The following PPP1R9A variants were observed in gnomAD, a reference collection of about 807,000 sequenced individuals.
The protein encoded by PPP1R9A is protein phosphatase 1 regulatory subunit 9A.
A neutral mutation model predicts 141.9 loss-of-function variants in PPP1R9A; 59 were observed. The observed-to-expected ratio is 0.42, with a 90% confidence interval of 0.34 to 0.52. The LOEUF (loss-of-function observed/expected upper bound fraction) is 0.52. Among genes scored for constraint, PPP1R9A ranks in the 20% least tolerant of loss-of-function variants. PPP1R9A has a pLI of 0.10. For missense variants in PPP1R9A, 1,444 were observed against 1,611.9 expected (o/e 0.90, Z 1.78); for synonymous variants, 500 against 569.7 (o/e 0.88, Z 1.74).
chr7:95,052,935 C>G (rs1297497557), intron 2 of PPP1R9A, among the ~76,000 whole-genome samples: 1 of 152,170 alleles, frequency 6.6e-6, no homozygotes, highest in Non-Finnish European at 1.5e-5. Flanking sequence ...ATATCATGCT[C>G]TCATCATTTC....
chr7:95,273,822 C>T, intron 14 of PPP1R9A, 77 bp from the exon 15 acceptor site: 1 of 1,285,476 alleles, frequency 7.8e-7, no homozygotes, highest in Non-Finnish European at 1.1e-6. Flanking sequence ...CCCTTAGATT[C>T]AGAGATGCAT....
At chr7:95,220,909 G>C (rs753476864) in intron 7 of PPP1R9A, among the ~76,000 whole-genome samples, 2 of 152,030 alleles carry the variant, frequency 1.3e-5, no homozygotes, top group Non-Finnish European at 2.9e-5. Context: ...GAGGACAGAG[G>C]CATGGAAGTT....
intron 4 of PPP1R9A, among the ~76,000 whole-genome samples, chr7:95,154,190 A>G (rs578108853): frequency 6.6e-6 from 1 of 150,946 alleles, no homozygotes; most frequent in Non-Finnish European, 1.5e-5. Flanking sequence ...TTTGCTATCT[A>G]CCATAGGTTT....
intron 2 of PPP1R9A, among the ~76,000 whole-genome samples, chr7:95,079,828 A>C (rs1815507679): frequency 6.6e-6 from 1 of 152,240 alleles, no homozygotes; most frequent in African/African-American, 2.4e-5. Flanking sequence ...AACAGAACCA[A>C]AGACAAAAAC....
At chr7:95,254,520 G>A (rs77010459) in intron 12 of PPP1R9A, among the ~76,000 whole-genome samples, 1 of 152,140 alleles carries the variant, frequency 6.6e-6, no homozygotes, top group African/African-American at 2.4e-5. Flanking sequence ...AGTTCCCAAA[G>A]TTCCTAGATG....
At chr7:95,175,575 AT>A (rs1014865996) in intron 5 of PPP1R9A, among the ~76,000 whole-genome samples, 33 of 151,324 alleles carry the variant, frequency 2.2e-4, no homozygotes, top group African/African-American at 7.7e-4. Context: ...AAAGGATTAG[AT>A]TTTTTTTTAA....
intron 8 of PPP1R9A, among the ~76,000 whole-genome samples, chr7:95,227,264 G>A (rs867835816): frequency 5.9e-5 from 9 of 152,174 alleles, no homozygotes; most frequent in Non-Finnish European, 7.3e-5. Context: ...ATTCCCTGGC[G>A]AAAGCCTATA....
chr7:95,252,495 T>A (rs1367893147), intron 12 of PPP1R9A, among the ~76,000 whole-genome samples: 1 of 135,794 alleles, frequency 7.4e-6, no homozygotes, highest in Non-Finnish European at 1.5e-5. Context: ...TTTTTGAGAG[T>A]CTCACTCTGT....
intron 4 of PPP1R9A, among the ~76,000 whole-genome samples, chr7:95,147,268 G>T (rs1447358140): frequency 6.6e-6 from 1 of 152,130 alleles, no homozygotes; most frequent in Non-Finnish European, 1.5e-5. Flanking sequence ...TTGTGAATGG[G>T]AGTTCAATCA....
chr7:95,286,061 C>T (rs1286604702), intron 17 of PPP1R9A, 145 bp from the exon 18 acceptor site: 17 of 1,314,210 alleles, frequency 1.3e-5, no homozygotes, highest in East Asian at 5.1e-5. Flanking sequence ...CATTCTCAAC[C>T]GCTGCCCCAT....
chr7:95,182,019 G>A (rs567456979), intron 5 of PPP1R9A, among the ~76,000 whole-genome samples: 10 of 151,840 alleles, frequency 6.6e-5, no homozygotes, highest in Non-Finnish European at 1.2e-4. Context: ...ATGGACTCTG[G>A]GGACTTGGGA....
chr7:95,054,114 GT>G (rs368824046), intron 2 of PPP1R9A, among the ~76,000 whole-genome samples: 95 of 132,674 alleles, frequency 7.2e-4, no homozygotes, highest in East Asian at 1.4e-3. Flanking sequence ...TCCCCACTGT[GT>G]TTTTTTTTTT....
chr7:95,161,640 CT>C (rs1265530733), intron 4 of PPP1R9A, among the ~76,000 whole-genome samples: 1 of 152,022 alleles, frequency 6.6e-6, no homozygotes, highest in South Asian at 2.1e-4. Context: ...TATTGTATTA[CT>C]TTTTTTATTT....
At position 95,288,604 on chromosome 7, in the gene PPP1R9A, G is replaced by GCAGCAGGTTTCTCA. The variant is rs1805787459; in HGVS notation, c.3800_3813dup (p.Trp1272SerfsTer7). The stretch of plus-strand genomic sequence containing the variant: ...ATCGGGCCGTTCAGGAATGGAGTGT[G>GCAGCAGGTTTCTCA]CAGCAGGTTTCTCACTGGTTAATGA... On this transcript the variant is annotated frameshift_variant, in exon 19 of 20. Transcript: ENST00000433360. LOFTEE classifies it high-confidence loss of function. 6.2e-7 allele frequency: 1 copy of GCAGCAGGTTTCTCA among 1,614,112 alleles called. No individual in the cohort carries two copies.
intron 5 of PPP1R9A, among the ~76,000 whole-genome samples, chr7:95,175,634 A>G (rs983383024): frequency 1.3e-5 from 2 of 152,148 alleles, no homozygotes; most frequent in Non-Finnish European, 2.9e-5. Flanking sequence ...AAAATTTGAT[A>G]TAAGACAGAG....
At chr7:95,205,657 C>T (rs1047920725) in intron 7 of PPP1R9A, among the ~76,000 whole-genome samples, 1 of 152,156 alleles carries the variant, frequency 6.6e-6, no homozygotes, top group Non-Finnish European at 1.5e-5. Flanking sequence ...GTGTCTAGTA[C>T]ACTGACTCTG....
rs552133841 is a variant in PPP1R9A at position 95,117,581 on chromosome 7, A to C, written c.1529-3131A>C. Among the ~76,000 whole-genome samples, 5 of 152,332 alleles carry C rather than the reference A, an allele frequency of 3.3e-5. No homozygotes were observed. In the East Asian group the frequency reaches 7.7e-4, roughly 23 times the overall value. ...CAATGGAAGGAAGAAAGAGAATTCT[A>C]CCAAGACCTGAGTCTAGGCAGAGAA... On this transcript the variant is annotated intron_variant, in intron 3 of 19. Transcript: ENST00000433360.
At position 94,911,027 on chromosome 7, in the gene PPP1R9A, A is replaced by C; in HGVS notation, c.914A>C (p.Asp305Ala). The change falls in exon 2 of 20, where the codon GAC (aspartate) becomes GCC (alanine). Residue 305 changes from aspartate (D) to alanine (A), a missense_variant. Physicochemically the swap from Asp to Ala is moderately radical, Grantham distance 126 (BLOSUM62 -2). Coordinates refer to ENST00000433360, the MANE Select transcript of PPP1R9A (RefSeq NM_001166160.2). The part of the protein sequence containing the change: ...EEIQQSKEPE[D>A]STSNQQTPDS... ...ATCCAGCAGAGCAAGGAACCCGAGGACTCCACATCTAATCAACAGACTCCC... is the reference window on the plus strand; with the variant it reads ...ATCCAGCAGAGCAAGGAACCCGAGGCCTCCACATCTAATCAACAGACTCCC... The C allele has an allele frequency of 6.2e-7, 1 of 1,614,060 alleles. No homozygotes were observed. Among genetic ancestry groups the C allele is most frequent in the Non-Finnish European group, 8.5e-7 (1 of 1,180,008 alleles).
chr7:95,056,536 T>C (rs929934626), intron 2 of PPP1R9A, among the ~76,000 whole-genome samples: 1 of 152,136 alleles, frequency 6.6e-6, no homozygotes, highest in African/African-American at 2.4e-5. Context: ...CATGGTAATC[T>C]TATGGTGTCA....
Sources: gnomAD v4.1 joint callset for allele counts (sites outside exome capture counted in the v4.1 genomes callset) on GRCh38, gnomAD v4.1.1 for gene constraint, MANE v1.5 for transcripts, NCBI Gene and HGNC (gene_info 2026-07-23, HGNC 2026-07-21) for gene names.